Variants in ZDHHC14 observed in about 807,000 individuals in gnomAD.
The protein encoded by ZDHHC14 is zDHHC palmitoyltransferase 14, also known as palmitoyltransferase ZDHHC14.
A neutral mutation model predicts 47.7 loss-of-function variants in ZDHHC14; 16 were observed. That is an observed-to-expected ratio of 0.34 (90% CI 0.23 to 0.51). The LOEUF is 0.51. Ranked by LOEUF, ZDHHC14 falls within the 20% of genes least tolerant of loss-of-function variation. The pLI, the probability that ZDHHC14 is intolerant of heterozygous loss-of-function variation, is 0.97. For missense variants in ZDHHC14, 515 were observed against 662.5 expected, an observed-to-expected ratio of 0.78 and a Z score of 2.44; for synonymous variants, 293 against 278.9, an observed-to-expected ratio of 1.05 and a Z score of -0.50.
chr6:157,568,665 A>C (rs1318781787), intron 2 of ZDHHC14, among the ~76,000 whole-genome samples: 1 of 152,176 alleles, frequency 6.6e-6, no homozygotes, highest in Non-Finnish European at 1.5e-5. Flanking sequence ...TGCTGGGCCA[A>C]AAGATACATA....
At chr6:157,578,073 C>T (rs1783374003) in intron 2 of ZDHHC14, among the ~76,000 whole-genome samples, 2 of 151,772 alleles carry the variant, frequency 1.3e-5, no homozygotes, top group Admixed American at 1.3e-4. Context: ...CATTTAAGCT[C>T]CTTACAGATT....
At chr6:157,435,239 G>C (rs62423862) in intron 1 of ZDHHC14, among the ~76,000 whole-genome samples, 72,898 of 152,128 alleles carry the variant, frequency 0.48, 17,479 homozygotes, top group East Asian at 0.6. Flanking sequence ...CACTCTGTTT[G>C]CTGCCCTGGG....
At chr6:157,626,293 C>A (rs1443475385) in intron 3 of ZDHHC14, among the ~76,000 whole-genome samples, 2 of 152,072 alleles carry the variant, frequency 1.3e-5, no homozygotes, top group Non-Finnish European at 2.9e-5. Context: ...GCTTTTATGC[C>A]CCCAGCTTTC....
intron 2 of ZDHHC14, among the ~76,000 whole-genome samples, chr6:157,556,992 C>T (rs544805032): frequency 1.3e-5 from 2 of 152,290 alleles, no homozygotes; most frequent in African/African-American, 4.8e-5. Flanking sequence ...CCAAGAGACA[C>T]TGAGGGAGGA....
intron 1 of ZDHHC14, among the ~76,000 whole-genome samples, chr6:157,493,369 G>T (rs1420538237): frequency 6.6e-6 from 1 of 152,250 alleles, no homozygotes; most frequent in Non-Finnish European, 1.5e-5. Flanking sequence ...CGGGCTCCAG[G>T]CGGAGAGGGG....
At chr6:157,573,873 C>T (rs28488511) in intron 2 of ZDHHC14, among the ~76,000 whole-genome samples, 1 of 151,920 alleles carries the variant, frequency 6.6e-6, no homozygotes, top group Non-Finnish European at 1.5e-5. Context: ...TCCCCGTGCC[C>T]ATGGGCCTTG....
Position 157,650,104 on chromosome 6 carries a change from A to ACGGGAGAGGGGCTGGCTCTGTGCCAGGCG in ZDHHC14, c.965+2737_965+2738insGGGAGAGGGGCTGGCTCTGTGCCAGGCGC, listed in dbSNP as rs1562529060. On this transcript the variant is annotated intron_variant, in intron 7 of 8. Coordinates refer to ENST00000359775, the MANE Select transcript of ZDHHC14 (RefSeq NM_024630.3). Reference sequence around the variant, plus strand: ...GAGAGGGGCTGGCTCTGTGCCAGGCACTGGGGGTGCACGGGAGAGGGGCCA... The same window carrying ACGGGAGAGGGGCTGGCTCTGTGCCAGGCG: ...GAGAGGGGCTGGCTCTGTGCCAGGCACGGGAGAGGGGCTGGCTCTGTGCCAGGCGCTGGGGGTGCACGGGAGAGGGGCCA... 7.8e-4 allele frequency among the ~76,000 whole-genome samples: 99 copies of ACGGGAGAGGGGCTGGCTCTGTGCCAGGCG among 126,376 alleles called. 7 individuals carry two copies. The highest frequency in any genetic ancestry group is 1.4e-3 in the Non-Finnish European group (83 of 59,462). 82.9% of individuals were successfully genotyped at this position (126,376 alleles called of 152,430 possible).
intron 1 of ZDHHC14, among the ~76,000 whole-genome samples, chr6:157,425,250 A>G (rs1000804616): frequency 6.6e-6 from 1 of 152,130 alleles, no homozygotes; most frequent in African/African-American, 2.4e-5. Context: ...TCCTTCTAAT[A>G]TCTCTTGAAA....
intron 1 of ZDHHC14, among the ~76,000 whole-genome samples, chr6:157,419,008 T>C (rs920958349): frequency 3.9e-5 from 6 of 152,218 alleles, no homozygotes; most frequent in Non-Finnish European, 1.5e-5. Context: ...GTAGTCCTTG[T>C]GATACAATTC....
chr6:157,468,041 G>A (rs1779263059), intron 1 of ZDHHC14, among the ~76,000 whole-genome samples: 1 of 152,130 alleles, frequency 6.6e-6, no homozygotes, highest in South Asian at 2.1e-4. Flanking sequence ...AGAAAAACAA[G>A]GATAGGTTGT....
intron 3 of ZDHHC14, among the ~76,000 whole-genome samples, chr6:157,597,108 C>T (rs921421703): frequency 7.2e-5 from 11 of 152,186 alleles, no homozygotes; most frequent in African/African-American, 2.7e-4. Flanking sequence ...ACGTGGAACG[C>T]AGCATTTCGG....
chr6:157,527,246 C>T (rs1283895985), intron 1 of ZDHHC14, among the ~76,000 whole-genome samples: 5 of 152,160 alleles, frequency 3.3e-5, no homozygotes, highest in Non-Finnish European at 5.9e-5. Flanking sequence ...GCCCCCATCT[C>T]CTACCAGACT....
At chr6:157,394,164 C>T (rs1276977644) in intron 1 of ZDHHC14, among the ~76,000 whole-genome samples, 2 of 152,184 alleles carry the variant, frequency 1.3e-5, no homozygotes, top group African/African-American at 2.4e-5. Flanking sequence ...CCCTTCCCGC[C>T]TACCCACCGC....
At chr6:157,537,682 C>G (rs1371206079) in intron 1 of ZDHHC14, among the ~76,000 whole-genome samples, 1 of 152,200 alleles carries the variant, frequency 6.6e-6, no homozygotes, top group Non-Finnish European at 1.5e-5. Context: ...TCTTTGGCAG[C>G]TGCCTCATCA....
intron 2 of ZDHHC14, among the ~76,000 whole-genome samples, chr6:157,546,335 G>C (rs1394142811): frequency 3.3e-5 from 5 of 152,350 alleles, no homozygotes; most frequent in African/African-American, 1.2e-4. Flanking sequence ...TTTATGGTTA[G>C]AGTTATTCAT....
intron 2 of ZDHHC14, among the ~76,000 whole-genome samples, chr6:157,574,175 C>T (rs1262698669): frequency 6.6e-6 from 1 of 151,558 alleles, no homozygotes; most frequent in East Asian, 1.9e-4. Flanking sequence ...GTAATCCCAG[C>T]ACTTTGGGAA....
At chr6:157,538,637 G>A (rs1382212569) in intron 1 of ZDHHC14, among the ~76,000 whole-genome samples, 1 of 152,152 alleles carries the variant, frequency 6.6e-6, no homozygotes, top group African/African-American at 2.4e-5. Flanking sequence ...GAGGTGCATG[G>A]AGCATGTCCA....
At chr6:157,414,761 C>T (rs775260214) in intron 1 of ZDHHC14, among the ~76,000 whole-genome samples, 11 of 149,176 alleles carry the variant, frequency 7.4e-5, no homozygotes, top group South Asian at 2.1e-4. Flanking sequence ...GACAGACTTA[C>T]GAAATTCCTT....
intron 5 of ZDHHC14, among the ~76,000 whole-genome samples, chr6:157,640,828 C>G (rs986496353): frequency 1.3e-5 from 2 of 152,214 alleles, no homozygotes; most frequent in Non-Finnish European, 2.9e-5. Flanking sequence ...AAAAAATCCC[C>G]AATGGTCCAG....
Sources: allele counts gnomAD v4.1 joint callset (sites outside exome capture counted in the v4.1 genomes callset), GRCh38; gene constraint gnomAD v4.1.1; transcripts MANE v1.5; gene names NCBI Gene and HGNC (gene_info 2026-07-23, HGNC 2026-07-21).